FAF1: variants seen among roughly 807,000 people sequenced by gnomAD.
FAF1 encodes Fas associated factor 1.
In FAF1, 25 loss-of-function variants were observed where a neutral mutation model predicts 92.5. That is an observed-to-expected ratio of 0.27 (90% CI 0.20 to 0.38). The LOEUF (loss-of-function observed/expected upper bound fraction) is 0.38. Ranked by LOEUF, FAF1 falls within the 10% of genes least tolerant of loss-of-function variation. FAF1 has a pLI of 1.00. For missense variants in FAF1, 636 were observed against 793.3 expected, an observed-to-expected ratio of 0.80 and a Z score of 2.38; for synonymous variants, 234 against 273.2, an observed-to-expected ratio of 0.86 and a Z score of 1.42.
At chr1:50,641,881 C>T (rs1330408600) in intron 8 of FAF1, among the ~76,000 whole-genome samples, 1 of 152,092 alleles carries the variant, frequency 6.6e-6, no homozygotes, top group East Asian at 1.9e-4. Context: ...TTAATTATTA[C>T]AGAATCTCTT....
At chr1:50,818,969 TAAAC>T (rs1053270170) in intron 2 of FAF1, among the ~76,000 whole-genome samples, 5 of 152,220 alleles carry the variant, frequency 3.3e-5, no homozygotes, top group Non-Finnish European at 5.9e-5. Flanking sequence ...TTTTTTGCAT[TAAAC>T]AAATTTTTGG....
At chr1:50,812,401 A>G (rs1035599357) in intron 2 of FAF1, among the ~76,000 whole-genome samples, 1 of 152,230 alleles carries the variant, frequency 6.6e-6, no homozygotes, top group African/African-American at 2.4e-5. Context: ...ACCCCATTAA[A>G]AAGTGGGCAA....
chr1:50,650,835 A>T (rs574618212), intron 8 of FAF1, among the ~76,000 whole-genome samples: 149 of 152,286 alleles, frequency 9.8e-4, no homozygotes, highest in Non-Finnish European at 1.7e-3. Context: ...GCCTACTTGT[A>T]ACTCCTTGTT....
chr1:50,628,188 CAAT>C (rs1329037625), intron 8 of FAF1, among the ~76,000 whole-genome samples: 5 of 151,938 alleles, frequency 3.3e-5, no homozygotes, highest in African/African-American at 1.2e-4. Context: ...ATTTCTAGTA[CAAT>C]GAGATCAAAG....
chr1:50,594,888 T>TTATA (rs374986413), intron 9 of FAF1, among the ~76,000 whole-genome samples: 75 of 142,432 alleles, frequency 5.3e-4, no homozygotes, highest in African/African-American at 8.8e-4. Flanking sequence ...AAAAAAAAAA[T>TTATA]TATATATATA....
intron 3 of FAF1, among the ~76,000 whole-genome samples, chr1:50,793,090 T>C (rs1228765646): frequency 6.6e-6 from 1 of 152,146 alleles, no homozygotes; most frequent in Non-Finnish European, 1.5e-5. Flanking sequence ...ACTTGATCTA[T>C]AAACAGTAGA....
intron 15 of FAF1, among the ~76,000 whole-genome samples, chr1:50,494,737 T>C (rs1646879347): frequency 6.6e-6 from 1 of 152,244 alleles, no homozygotes; most frequent in South Asian, 2.1e-4. Context: ...CTATTTCATA[T>C]GTCTTCGTAT....
At chr1:50,465,001 T>C (rs77986778) in intron 18 of FAF1, among the ~76,000 whole-genome samples, 218 of 152,340 alleles carry the variant, frequency 1.4e-3, no homozygotes, top group African/African-American at 5.0e-3. Context: ...TGGTGGTATT[T>C]CTATCATCTC....
chr1:50,919,118 A>C (rs11585772), intron 1 of FAF1, among the ~76,000 whole-genome samples: 35,083 of 152,190 alleles, frequency 0.23, 4,491 homozygotes, highest in Middle Eastern at 0.44. Flanking sequence ...TCTTTAACAA[A>C]ATGTTTTTAA....
chr1:50,902,453 A>C (rs1489249341), intron 1 of FAF1, among the ~76,000 whole-genome samples: 1 of 152,248 alleles, frequency 6.6e-6, no homozygotes, highest in African/African-American at 2.4e-5. Flanking sequence ...TGTATTATTA[A>C]ATTTAATTCA....
At chr1:50,570,207 A>G (rs1650368434) in intron 12 of FAF1, among the ~76,000 whole-genome samples, 1 of 152,218 alleles carries the variant, frequency 6.6e-6, no homozygotes, top group African/African-American at 2.4e-5. Flanking sequence ...GCCTAGGAAG[A>G]TTAAACATCC....
intron 7 of FAF1, among the ~76,000 whole-genome samples, chr1:50,678,766 G>A (rs1203279040): frequency 1.1e-5 from 1 of 90,236 alleles, no homozygotes; most frequent in African/African-American, 4.6e-5. Flanking sequence ...GTGACAGAGA[G>A]ACTCCATCTC....
At chr1:50,780,693 C>G in intron 4 of FAF1, 1 of 272,086 alleles carries the variant, frequency 3.7e-6, no homozygotes, top group Non-Finnish European at 7.4e-6. Context: ...GCATGTGCTG[C>G]CACCTATCAT....
chr1:50,953,612 G>A (rs1029672132), intron 1 of FAF1, among the ~76,000 whole-genome samples: 11 of 151,612 alleles, frequency 7.3e-5, no homozygotes, highest in South Asian at 2.1e-4. Context: ...GTTGGTTCTC[G>A]CCTGTAATCC....
At chr1:50,716,234 A>G (rs537884190) in intron 6 of FAF1, among the ~76,000 whole-genome samples, 179 of 152,326 alleles carry the variant, frequency 1.2e-3, no homozygotes, top group African/African-American at 4.1e-3. Context: ...TCTTGAACCA[A>G]TAATAATCAC....
At chr1:50,511,792 T>C (rs528373807) in intron 15 of FAF1, among the ~76,000 whole-genome samples, 3 of 152,340 alleles carry the variant, frequency 2.0e-5, no homozygotes, top group Admixed American at 1.3e-4. Flanking sequence ...ATGGTATTTC[T>C]GGTTCTAGAT....
intron 8 of FAF1, among the ~76,000 whole-genome samples, chr1:50,634,993 T>G (rs1467698674): frequency 6.6e-6 from 1 of 152,202 alleles, no homozygotes; most frequent in East Asian, 1.9e-4. Flanking sequence ...ATCTACTACT[T>G]GGCTCAGATA....
At chr1:50,690,183 TCAG>T (rs1266778739) in intron 7 of FAF1, among the ~76,000 whole-genome samples, 1 of 151,940 alleles carries the variant, frequency 6.6e-6, no homozygotes, top group Non-Finnish European at 1.5e-5. Flanking sequence ...AAACTGGGTT[TCAG>T]CGTTAGCCAG....
At chr1:50,711,861 T>A (rs995400561) in intron 6 of FAF1, among the ~76,000 whole-genome samples, 2 of 152,186 alleles carry the variant, frequency 1.3e-5, no homozygotes, top group East Asian at 3.8e-4. Flanking sequence ...AAGGGTATTA[T>A]CTTTAAACTT....
Sources: allele counts gnomAD v4.1 joint callset (sites outside exome capture counted in the v4.1 genomes callset), GRCh38; gene constraint gnomAD v4.1.1; transcripts MANE v1.5; gene names NCBI Gene and HGNC (gene_info 2026-07-23, HGNC 2026-07-21).